The following TRIM71 variants were observed in gnomAD, a reference collection of about 807,000 sequenced individuals.
The protein encoded by TRIM71 is tripartite motif containing 71, also known as E3 ubiquitin-protein ligase TRIM71.
Under a neutral mutation model 61.2 loss-of-function variants are expected in TRIM71, and 9 were observed. The ratio of observed to expected loss-of-function variants is 0.15; its 90% CI spans 0.09 to 0.26. The LOEUF is 0.26. Among genes scored for constraint, TRIM71 ranks in the 10% least tolerant of loss-of-function variants. The probability of loss-of-function intolerance (pLI) is 1.00; values close to 1 mark genes in which losing one functional copy is unlikely to be tolerated. For synonymous variants in TRIM71, 645 were observed against 553.2 expected (o/e 1.17, Z -2.33); for missense variants, 998 against 1,238.7 (o/e 0.81, Z 2.92).
At chr3:32,884,407 C>T (rs754994858) in intron 2 of TRIM71, among the ~76,000 whole-genome samples, 1 of 151,846 alleles carries the variant, frequency 6.6e-6, no homozygotes, top group Non-Finnish European at 1.5e-5. Flanking sequence ...ATATGAAATA[C>T]CCAGAACAGG....
intron 1 of TRIM71, among the ~76,000 whole-genome samples, chr3:32,855,699 G>A (rs1696592562): frequency 6.6e-6 from 1 of 152,156 alleles, no homozygotes; most frequent in African/African-American, 2.4e-5. Flanking sequence ...CAGCAGGAGG[G>A]AGACCCTGGC....
rs1184859557 is a variant in TRIM71, at chr3:32,890,300, T to C, written c.1156-60T>C. 1.9e-6 allele frequency: 3 copies of C among 1,553,016 alleles called. No individual in the cohort carries two copies. Among genetic ancestry groups the C allele is most frequent in the Non-Finnish European group, 1.7e-6 (2 of 1,145,824 alleles). On this transcript the variant is annotated intron_variant, in intron 3 of 3. Transcript: ENST00000383763. The surrounding 1 kb of genome is among the most constrained non-coding windows in gnomAD (Gnocchi z 6.2). ...TTGTGATTAGTTGTGGCTTATGTGGTATTTTCTGTGCTTGGCTCTAAGCCT... is the reference window on the plus strand; with the variant it reads ...TTGTGATTAGTTGTGGCTTATGTGGCATTTTCTGTGCTTGGCTCTAAGCCT...
chr3:32,883,855 T>G (rs1042435622), intron 2 of TRIM71, among the ~76,000 whole-genome samples: 3 of 152,250 alleles, frequency 2.0e-5, no homozygotes, highest in African/African-American at 7.2e-5. Context: ...TAATGGTACT[T>G]GAGACAGGAT....
intron 2 of TRIM71, among the ~76,000 whole-genome samples, chr3:32,876,019 C>T (rs1280391032): frequency 6.6e-6 from 1 of 152,128 alleles, no homozygotes; most frequent in Non-Finnish European, 1.5e-5. Flanking sequence ...GAGAGACTTT[C>T]TTGAATGACT....
intron 1 of TRIM71, among the ~76,000 whole-genome samples, chr3:32,852,774 A>AC (rs1696553048): frequency 6.6e-6 from 1 of 151,478 alleles, no homozygotes; most frequent in Admixed American, 6.6e-5. Flanking sequence ...AAAAAAAAAA[A>AC]CAAAAACAAA....
At chr3:32,837,680 G>A (rs1014364706) in intron 1 of TRIM71, among the ~76,000 whole-genome samples, 1 of 152,074 alleles carries the variant, frequency 6.6e-6, no homozygotes, top group Admixed American at 6.5e-5. Flanking sequence ...TTAGCCAGAC[G>A]TGGTGGCACG....
At chr3:32,851,783 C>T (rs1167607490) in intron 1 of TRIM71, among the ~76,000 whole-genome samples, 1 of 152,160 alleles carries the variant, frequency 6.6e-6, no homozygotes, top group Non-Finnish European at 1.5e-5. Context: ...CCTGCCTGAA[C>T]TGGCAACTTT....
At chr3:32,867,176 CCT>C (rs1696747182) in intron 1 of TRIM71, among the ~76,000 whole-genome samples, 1 of 151,936 alleles carries the variant, frequency 6.6e-6, no homozygotes, top group African/African-American at 2.4e-5. Flanking sequence ...TTACCACCCC[CCT>C]CCCCCTCCTC....
intron 1 of TRIM71, among the ~76,000 whole-genome samples, chr3:32,869,905 C>T (rs1428828472): frequency 6.6e-6 from 1 of 152,194 alleles, no homozygotes; most frequent in African/African-American, 2.4e-5. Flanking sequence ...GTGCATCTGC[C>T]CGGGAAGCCC....
rs1379262786 is a variant in TRIM71, at chr3:32,818,191, G to A, written c.111G>A (p.Gln37=). 1 of 1,590,742 alleles carries A rather than the reference G, an allele frequency of 6.3e-7. No individual in the cohort carries two copies. The highest frequency in any genetic ancestry group is 2.4e-5 in the East Asian group (1 of 42,130). Reference sequence around the variant, plus strand: ...CGTCCGCGTCGTCGTCCTCCTCGCAGACGTCCACGTCGTCGGGGGGCGGCG... The same window carrying A: ...CGTCCGCGTCGTCGTCCTCCTCGCAAACGTCCACGTCGTCGGGGGGCGGCG... ...SNSSASSSSS[Q]TSTSSGGGGG... Residue 37 remains glutamine, a synonymous_variant, in exon 1 of 4, where the codon CAG becomes CAA. Transcript: ENST00000383763.
In TRIM71 at chr3:32,818,704, T is replaced by G; in HGVS notation, c.624T>G (p.Ala208=). 1 of 1,585,510 alleles carries G rather than the reference T, an allele frequency of 6.3e-7. No homozygotes were observed. The highest frequency in any genetic ancestry group is 1.1e-5 in the South Asian group (1 of 89,186). The change falls in exon 1 of 4, where the codon GCT becomes GCG. Residue 208 remains alanine, a synonymous_variant. Coordinates refer to ENST00000383763, the MANE Select transcript of TRIM71 (RefSeq NM_001039111.3). ...GCTCGTGCGATGAGGGCAACGCAGC[T>G]TCTTCGCGCTGCCTCGACTGCCAGG... ...GCSSCDEGNA[A]SSRCLDCQEH...
rs60555954 is a variant in TRIM71 at position 32,881,029 on chromosome 3, A to ATTT, written c.1021-4900_1021-4898dup. On this transcript the variant is annotated intron_variant, in intron 2 of 3. Transcript: ENST00000383763. The stretch of plus-strand genomic sequence containing the variant: ...AAATTTTATATATGTATATATATAT[A>ATTT]TTTTTTTGAGGTGGAGTCTCACTCT... Among the ~76,000 whole-genome samples, 6 of 151,942 alleles carry ATTT rather than the reference A, an allele frequency of 3.9e-5. 1 individual carries two copies. The South Asian group carries it at 1.2e-3, about 32-fold the overall frequency.
At position 32,895,897 on chromosome 3, in the gene TRIM71, G is replaced by A; in HGVS notation, c.*4086G>A. The A allele has an allele frequency of 6.5e-6, 1 of 152,672 alleles. No homozygotes were observed. The highest frequency in any genetic ancestry group is 1.7e-3 in the Middle Eastern group (1 of 600). 9.5% of individuals were successfully genotyped at this position (152,672 alleles called of 1,614,324 possible). On this transcript the variant is annotated 3_prime_UTR_variant, in exon 4 of 4. Coordinates refer to ENST00000383763, the MANE Select transcript of TRIM71 (RefSeq NM_001039111.3). Reference sequence around the variant, plus strand: ...AAAAAGAATAGTATTAATCCAGTGGGCAGTGGGTGGGAGTGGGAAGCTACC... The same window carrying A: ...AAAAAGAATAGTATTAATCCAGTGGACAGTGGGTGGGAGTGGGAAGCTACC...
Position 32,893,725 on chromosome 3 carries a change from G to A in TRIM71, c.*1914G>A, listed in dbSNP as rs974489080. 4 of 152,124 alleles carry A rather than the reference G, an allele frequency of 2.6e-5. No homozygotes were observed. The highest frequency in any genetic ancestry group is 4.4e-5 in the Non-Finnish European group (3 of 68,008). The allele number at this position is 152,124 out of a possible 1,614,324, so 9.4% of individuals were successfully genotyped here. A position where few individuals can be genotyped will look rare whatever the true frequency, so the allele number is the denominator to read the frequency against. ...ATCCCAATAGAAAAGGAGATGATGGGGACAGTGTGACAAGTCAATCAAGTT... is the reference window on the plus strand; with the variant it reads ...ATCCCAATAGAAAAGGAGATGATGGAGACAGTGTGACAAGTCAATCAAGTT... On this transcript the variant is annotated 3_prime_UTR_variant, in exon 4 of 4. Transcript: ENST00000383763.
intron 1 of TRIM71, among the ~76,000 whole-genome samples, chr3:32,840,585 T>C (rs990367806): frequency 3.3e-5 from 5 of 152,308 alleles, no homozygotes; most frequent in South Asian, 4.1e-4. Context: ...GTTTTCTCCA[T>C]TCCTCCGACA....
chr3:32,897,075 TG>T lies in TRIM71; in HGVS notation c.*5267del, dbSNP rs1697087369. ...AACTAGCATGTTAGTTATACTTGGG[TG>T]GGTGGGAGGGTTGTTAAACTGAATC... On this transcript the variant is annotated 3_prime_UTR_variant, in exon 4 of 4. Transcript: ENST00000383763. 4.6e-4 allele frequency: 1 copy of T among 2,170 alleles called. No homozygotes were observed. The highest frequency in any genetic ancestry group is 8.8e-4 in the Non-Finnish European group (1 of 1,130). 0.1% of individuals were successfully genotyped at this position (2,170 alleles called of 1,614,324 possible).
Position 32,883,197 on chromosome 3 carries a change from G to A in TRIM71, c.1021-2737G>A, listed in dbSNP as rs188238741. On this transcript the variant is annotated intron_variant, in intron 2 of 3. Transcript: ENST00000383763. ...ACTAAAAATGTATCAATGCTATTAT[G>A]ATACCTGCTTATATGCATGCTCATT... Among the ~76,000 whole-genome samples, 126 of 152,316 alleles carry A rather than the reference G, an allele frequency of 8.3e-4. 2 individuals carry two copies. The highest frequency in any genetic ancestry group is 2.2e-4 in the Non-Finnish European group (15 of 68,030).
chr3:32,859,047 C>T (rs1575351238), intron 1 of TRIM71, among the ~76,000 whole-genome samples: 1 of 152,190 alleles, frequency 6.6e-6, no homozygotes, highest in East Asian at 1.9e-4. Context: ...TGGGGTTTCT[C>T]CTGGCTTCGT....
intron 1 of TRIM71, among the ~76,000 whole-genome samples, chr3:32,835,033 G>T (rs1696319672): frequency 6.6e-6 from 1 of 151,954 alleles, no homozygotes; most frequent in Non-Finnish European, 1.5e-5. Context: ...AAAACCAATT[G>T]TCTTCCCCAT....
Sources: gnomAD v4.1 joint callset for allele counts (sites outside exome capture counted in the v4.1 genomes callset) on GRCh38, gnomAD v4.1.1 for gene constraint, Gnocchi (gnomAD v3.1) non-coding constraint, MANE v1.5 for transcripts, NCBI Gene and HGNC (gene_info 2026-07-23, HGNC 2026-07-21) for gene names.